The following TAF2 variants were observed in gnomAD, a reference collection of about 807,000 sequenced individuals.
TAF2 encodes the protein TATA-box binding protein associated factor 2.
TAF2 carries 61 observed loss-of-function variants against 138.5 expected under a neutral mutation model. The observed-to-expected ratio is 0.44, with a 90% confidence interval of 0.36 to 0.54. The LOEUF (loss-of-function observed/expected upper bound fraction) is 0.54, where lower values mean the gene tolerates loss of function less well. Among genes scored for constraint, TAF2 ranks in the 20% least tolerant of loss-of-function variants. The pLI, the probability that TAF2 is intolerant of heterozygous loss-of-function variation, is 0.00. For synonymous variants in TAF2, 475 were observed against 469.9 expected (o/e 1.01, Z -0.14); for missense variants, 1,090 against 1,427.9 (o/e 0.76, Z 3.81).
At chr8:119,745,689 A>G (rs1257383638) in intron 23 of TAF2, among the ~76,000 whole-genome samples, 1 of 152,186 alleles carries the variant, frequency 6.6e-6, no homozygotes, top group African/African-American at 2.4e-5. Context: ...AAATTTATTT[A>G]AATTACAGTA....
At chr8:119,770,568 A>G (rs1416950575) in intron 18 of TAF2, among the ~76,000 whole-genome samples, 2 of 152,180 alleles carry the variant, frequency 1.3e-5, no homozygotes, top group Non-Finnish European at 2.9e-5. Flanking sequence ...CACCACTAGA[A>G]CAGACCTATA....
At chr8:119,788,963 G>C (rs1823227825) in intron 12 of TAF2, 59 bp from the exon 13 acceptor site, 3 of 1,111,694 alleles carry the variant, frequency 2.7e-6, no homozygotes, top group Non-Finnish European at 4.1e-6. Flanking sequence ...AACAAAGTAA[G>C]TTATCCATCA....
intron 15 of TAF2, 72 bp downstream of exon 15, chr8:119,785,129 G>A (rs752277328): frequency 5.1e-5 from 61 of 1,196,386 alleles, no homozygotes; most frequent in Non-Finnish European, 6.6e-5. Flanking sequence ...ACACTTTTAC[G>A]TACGCATAAC....
Position 119,756,068 on chromosome 8 carries a change from T to G in TAF2, c.2816A>C (p.Asn939Thr). The part of the protein sequence containing the change: ...MLTKNPPFTK[N>T]MESPLCNEAL... ...TTCATTGCATAAGGGAGACTCCATG[T>G]TCTTAGTAAATGGTGGGTTCTTAGT... Residue 939 changes from asparagine to threonine, a missense_variant, in exon 22 of 26, where the codon AAC (asparagine) becomes ACC (threonine). By Grantham distance (65) the Asn-to-Thr change is moderately conservative. Coordinates refer to ENST00000378164, the MANE Select transcript of TAF2 (RefSeq NM_003184.4). 6.2e-7 allele frequency: 1 copy of G among 1,613,782 alleles called. No individual in the cohort carries two copies. The highest frequency in any genetic ancestry group is 8.5e-7 in the Non-Finnish European group (1 of 1,179,850).
At chr8:119,775,077 G>A (rs761131136) in intron 18 of TAF2, among the ~76,000 whole-genome samples, 2 of 151,902 alleles carry the variant, frequency 1.3e-5, no homozygotes, top group Admixed American at 6.6e-5. Context: ...TCAAGAGAAC[G>A]AGACCATCCT....
chr8:119,817,558 A>G (rs560990691), intron 3 of TAF2, among the ~76,000 whole-genome samples: 4 of 152,272 alleles, frequency 2.6e-5, no homozygotes, highest in Non-Finnish European at 5.9e-5. Context: ...ACTAGAGAAA[A>G]ATTTTAGGGA....
intron 7 of TAF2, 75 bp from the exon 8 acceptor site, chr8:119,797,178 A>T: frequency 9.2e-7 from 1 of 1,083,040 alleles, no homozygotes; most frequent in Non-Finnish European, 1.4e-6. Context: ...AAATAATTCC[A>T]CTTTTAAAAC....
intron 18 of TAF2, among the ~76,000 whole-genome samples, chr8:119,764,305 T>C (rs1310588884): frequency 1.3e-5 from 2 of 152,246 alleles, no homozygotes; most frequent in Admixed American, 6.5e-5. Flanking sequence ...GCATTTACGC[T>C]ATCCTTAGTA....
intron 18 of TAF2, among the ~76,000 whole-genome samples, chr8:119,776,457 C>T (rs564739728): frequency 2.7e-3 from 392 of 147,820 alleles, no homozygotes; most frequent in Middle Eastern, 7.1e-3. Flanking sequence ...CCGAGACGGG[C>T]GGATCACAAG....
intron 1 of TAF2, 121 bp downstream of exon 1, chr8:119,832,361 T>C: frequency 4.7e-6 from 4 of 854,032 alleles, no homozygotes; most frequent in Non-Finnish European, 7.6e-6. Context: ...TCCATCACAG[T>C]GAGTAAATTC....
chr8:119,741,458 C>T (rs17816889), intron 25 of TAF2, among the ~76,000 whole-genome samples: 15,672 of 151,992 alleles, frequency 0.1, 942 homozygotes, highest in South Asian at 0.24. Context: ...CAGGAAGGGC[C>T]AAGAAATATC....
At chr8:119,778,245 G>T (rs899628806) in intron 17 of TAF2, 116 bp from the exon 18 acceptor site, 1 of 638,876 alleles carries the variant, frequency 1.6e-6, no homozygotes. Context: ...TATCTGGATG[G>T]AGCCTAACAC....
intron 8 of TAF2, among the ~76,000 whole-genome samples, chr8:119,796,079 C>G (rs981495844): frequency 6.6e-6 from 1 of 151,982 alleles, no homozygotes; most frequent in Non-Finnish European, 1.5e-5. Flanking sequence ...TTCCTTCATT[C>G]ATTTTTTTTT....
intron 18 of TAF2, among the ~76,000 whole-genome samples, chr8:119,772,575 C>G (rs968441692): frequency 6.6e-6 from 1 of 151,962 alleles, no homozygotes; most frequent in Non-Finnish European, 1.5e-5. Context: ...TGTAAAAACC[C>G]GCAGACCTAC....
intron 6 of TAF2, among the ~76,000 whole-genome samples, chr8:119,798,846 T>G (rs961515857): frequency 6.6e-6 from 1 of 152,144 alleles, no homozygotes; most frequent in African/African-American, 2.4e-5. Flanking sequence ...TTACTAATAA[T>G]CAGGGCCCAA....
At chr8:119,831,968 G>A (rs560436109) in intron 1 of TAF2, among the ~76,000 whole-genome samples, 2 of 152,202 alleles carry the variant, frequency 1.3e-5, no homozygotes, top group South Asian at 4.1e-4. Flanking sequence ...AGACCAGCCT[G>A]GCCAACAGAG....
rs763587280 is a variant in TAF2 at position 119,791,349 on chromosome 8, C to T, written c.1388G>A (p.Arg463Lys). 6 of 1,613,632 alleles carry T rather than the reference C, an allele frequency of 3.7e-6. No homozygotes were observed. Among genetic ancestry groups the T allele is most frequent in the Non-Finnish European group, 5.1e-6 (6 of 1,179,818 alleles). Residue 463 changes from arginine (R) to lysine (K), a missense_variant, in exon 11 of 26, where the codon AGG becomes AAG. Physicochemically the swap from Arg to Lys is conservative, Grantham distance 26 (BLOSUM62 2). Transcript: ENST00000378164. ...TTGTAGCATAAATTCCATACTGATC[C>T]TATTTTCAATCAATCTCATCACAAG... is the stretch of plus-strand genomic sequence containing the variant. ...AHLVMRLIEN[R>K]ISMEFMLQVF...
chr8:119,822,214 T>C (rs748307564), intron 2 of TAF2, among the ~76,000 whole-genome samples: 3 of 151,984 alleles, frequency 2.0e-5, no homozygotes, highest in Non-Finnish European at 2.9e-5. Context: ...GCTCATACTC[T>C]TGCCTTTTTT....
intron 22 of TAF2, among the ~76,000 whole-genome samples, chr8:119,754,525 A>T (rs139840426): frequency 0.038 from 5,859 of 152,256 alleles, 178 homozygotes; most frequent in Non-Finnish European, 0.059. Context: ...TCTACTAAAA[A>T]TACAGAAGTT....
Sources: allele counts gnomAD v4.1 joint callset (sites outside exome capture counted in the v4.1 genomes callset), GRCh38; gene constraint gnomAD v4.1.1; transcripts MANE v1.5; gene names NCBI Gene and HGNC (gene_info 2026-07-23, HGNC 2026-07-21).